The following PDE10A variants were observed in gnomAD, a reference collection of about 807,000 sequenced individuals.
The protein encoded by PDE10A is cAMP and cAMP-inhibited cGMP 3',5'-cyclic phosphodiesterase 10A.
Under a neutral mutation model 97.7 loss-of-function variants are expected in PDE10A, and 39 were observed. The ratio of observed to expected loss-of-function variants is 0.40; its 90% CI spans 0.31 to 0.52. The LOEUF (loss-of-function observed/expected upper bound fraction) is 0.52, where lower values mean the gene tolerates loss of function less well. Among genes scored for constraint, PDE10A ranks in the 20% least tolerant of loss-of-function variants. PDE10A has a pLI of 0.56. For synonymous variants in PDE10A, 371 were observed against 376.8 expected, an observed-to-expected ratio of 0.98 and a Z score of 0.18; for missense variants, 731 against 1,047.8, an observed-to-expected ratio of 0.70 and a Z score of 4.17.
chr6:165,501,784 C>A (rs1045369919), intron 2 of PDE10A, among the ~76,000 whole-genome samples: 26 of 152,150 alleles, frequency 1.7e-4, no homozygotes, highest in African/African-American at 5.8e-4. Flanking sequence ...GGCCTTCTGT[C>A]GAACTTGACA....
At chr6:165,849,261 C>T (rs1780505183) in intron 1 of PDE10A, among the ~76,000 whole-genome samples, 1 of 152,100 alleles carries the variant, frequency 6.6e-6, no homozygotes, top group African/African-American at 2.4e-5. Context: ...ACTAGTAAAA[C>T]AATGTTTTAA....
intron 1 of PDE10A, among the ~76,000 whole-genome samples, chr6:165,915,820 C>T (rs1157187135): frequency 6.6e-6 from 1 of 152,236 alleles, no homozygotes; most frequent in African/African-American, 2.4e-5. Context: ...TTTTCTGATA[C>T]ATCACTCAGG....
At chr6:165,810,592 G>A (rs565390197) in intron 1 of PDE10A, among the ~76,000 whole-genome samples, 4 of 152,198 alleles carry the variant, frequency 2.6e-5, no homozygotes, top group South Asian at 2.1e-4. Flanking sequence ...TCTGCTGGAC[G>A]GTTGAACATC....
rs146787037 is a variant in PDE10A, at chr6:165,642,334, G to A, written c.865+19613C>T. Among the ~76,000 whole-genome samples, 225 of 152,298 alleles carry A rather than the reference G, an allele frequency of 1.5e-3. 1 individual carries two copies. The highest frequency in any genetic ancestry group is 4.8e-3 in the African/African-American group (199 of 41,568). ...GTTTGTTCAGGTCGGCCTTGGCCAC[G>A]AGGCACAGGCTCCCTGAGGTCATGG... On this transcript the variant is annotated intron_variant, in intron 1 of 21. Coordinates refer to ENST00000539869, the MANE Select transcript of PDE10A (RefSeq NM_001385079.1).
intron 1 of PDE10A, among the ~76,000 whole-genome samples, chr6:165,577,940 A>G (rs1785403326): frequency 6.6e-6 from 1 of 152,182 alleles, no homozygotes; most frequent in Non-Finnish European, 1.5e-5. Context: ...GAAACTCTCT[A>G]AACATGGGCC....
chr6:165,917,273 G>C (rs1782632194), intron 1 of PDE10A, among the ~76,000 whole-genome samples: 2 of 151,976 alleles, frequency 1.3e-5, no homozygotes, highest in Admixed American at 6.6e-5. Flanking sequence ...TCCGAGGCCA[G>C]GGCTGAGCCA....
intron 1 of PDE10A, among the ~76,000 whole-genome samples, chr6:165,605,810 G>T (rs145072979): frequency 6.6e-6 from 1 of 152,226 alleles, no homozygotes; most frequent in East Asian, 1.9e-4. Flanking sequence ...AGTCAGAAAG[G>T]TTGGAGAGTG....
rs1346381803 is a variant in PDE10A, at chr6:165,662,561, A to C, written c.251T>G (p.Leu84Arg). The change falls in exon 1 of 22, where the codon CTC becomes CGC. Residue 84 changes from leucine to arginine, a missense_variant. By Grantham distance (102) the Leu-to-Arg change is moderately radical. Around this residue, in one of 8 missense-constraint regions of PDE10A, gnomAD observed 181 missense variants for 159.1 expected, o/e 1.14. Coordinates refer to ENST00000539869, the MANE Select transcript of PDE10A (RefSeq NM_001385079.1). ...GCCGCAGCCGCCGCCGCGCGCAGAG[A>C]GGGCGCCGGGGCCCCCAGCGGGGCT... ...RPSPAGGPGA[L>R]SARGGGCGWV... 1 of 145,996 alleles carries C rather than the reference A, an allele frequency of 6.8e-6. No individual in the cohort carries two copies. The highest frequency in any genetic ancestry group is 1.5e-5 in the Non-Finnish European group (1 of 66,186). 9.0% of individuals were successfully genotyped at this position (145,996 alleles called of 1,614,324 possible). A position where few individuals can be genotyped will look rare whatever the true frequency, so the allele number is the denominator to read the frequency against.
chr6:165,657,902 T>C (rs1339538939), intron 1 of PDE10A, among the ~76,000 whole-genome samples: 2 of 152,208 alleles, frequency 1.3e-5, no homozygotes, highest in Admixed American at 6.5e-5. Context: ...CCGGAAGAAG[T>C]CATGCCTTGC....
At chr6:165,742,506 A>G (rs1792750984) in intron 1 of PDE10A, among the ~76,000 whole-genome samples, 1 of 152,126 alleles carries the variant, frequency 6.6e-6, no homozygotes. Flanking sequence ...CTGCCCCATT[A>G]TTGAAGGCTC....
At chr6:165,727,479 T>G (rs998468015) in intron 1 of PDE10A, among the ~76,000 whole-genome samples, 8 of 152,158 alleles carry the variant, frequency 5.3e-5, no homozygotes, top group African/African-American at 1.9e-4. Flanking sequence ...CCTTCCTCTC[T>G]CCAAACAGTG....
At chr6:165,440,921 T>C (rs935685467) in intron 5 of PDE10A, among the ~76,000 whole-genome samples, 2 of 152,134 alleles carry the variant, frequency 1.3e-5, no homozygotes, top group Non-Finnish European at 2.9e-5. Flanking sequence ...ACTATAAAGA[T>C]ACTATCATCA....
chr6:165,455,116 C>T (rs945226883), intron 3 of PDE10A, among the ~76,000 whole-genome samples: 6 of 152,194 alleles, frequency 3.9e-5, no homozygotes, highest in African/African-American at 1.2e-4. Context: ...GACTACTGGA[C>T]GTCAGCTCCA....
At chr6:165,822,241 CCCACCACACACCTGGATGGCACAGT>C (rs1355504914) in intron 1 of PDE10A, among the ~76,000 whole-genome samples, 2 of 151,804 alleles carry the variant, frequency 1.3e-5, no homozygotes, top group South Asian at 2.1e-4. Context: ...GATGGCACAG[CCCACCACACACCTGGATGGCACAGT>C]CCACCACACA....
intron 7 of PDE10A, among the ~76,000 whole-genome samples, chr6:165,432,356 A>G (rs1789639983): frequency 6.6e-6 from 1 of 152,088 alleles, no homozygotes; most frequent in Admixed American, 6.6e-5. Context: ...ATAAGTGGAG[A>G]GAAGAAAAAA....
chr6:165,952,379 A>G (rs750134842), intron 1 of PDE10A, among the ~76,000 whole-genome samples: 10 of 152,236 alleles, frequency 6.6e-5, no homozygotes, highest in Non-Finnish European at 1.0e-4. Flanking sequence ...TGCCAAAATC[A>G]GGTGTTTGAA....
At position 165,912,174 on chromosome 6, in the gene PDE10A, A is replaced by G. The variant is rs9459528; in HGVS notation, c.-615+75355T>C. On this transcript the variant is annotated intron_variant, in intron 1 of 19. Transcript: ENST00000366882. ...AACTATCTAACTCTCTCTCTCTATC[A>G]TCTATCTGTCTATCATCTATCATCT... Among the ~76,000 whole-genome samples, 1,143 of 151,918 alleles carry G rather than the reference A, an allele frequency of 7.5e-3. 18 individuals carry two copies. Among genetic ancestry groups the G allele is most frequent in the African/African-American group, 0.026 (1,062 of 41,404 alleles).
chr6:165,503,462 GAAC>G (rs1781016220), intron 2 of PDE10A, among the ~76,000 whole-genome samples: 1 of 152,124 alleles, frequency 6.6e-6, no homozygotes, highest in Admixed American at 6.5e-5. Flanking sequence ...GGGCCAGCAG[GAAC>G]AACAAGAGTC....
At chr6:165,547,300 G>A (rs527872095) in intron 1 of PDE10A, among the ~76,000 whole-genome samples, 1 of 152,092 alleles carries the variant, frequency 6.6e-6, no homozygotes, top group Admixed American at 6.5e-5. Context: ...CTCATGAGCA[G>A]GGGCAGGTTA....
Sources: allele counts gnomAD v4.1 joint callset (sites outside exome capture counted in the v4.1 genomes callset), GRCh38; gene constraint gnomAD v4.1.1; regional missense constraint gnomAD v4.1.1; transcripts MANE v1.5; gene names NCBI Gene and HGNC (gene_info 2026-07-23, HGNC 2026-07-21).